The following ADAMTS6 variants were observed in gnomAD, a reference collection of about 807,000 sequenced individuals.
ADAMTS6 encodes ADAM metallopeptidase with thrombospondin type 1 motif 6.
Under a neutral mutation model 144.3 loss-of-function variants are expected in ADAMTS6, and 23 were observed. That is an observed-to-expected ratio of 0.16 (90% CI 0.11 to 0.23). The LOEUF (loss-of-function observed/expected upper bound fraction) is 0.23. Ranked by LOEUF, ADAMTS6 falls within the 10% of genes least tolerant of loss-of-function variation. The probability of loss-of-function intolerance (pLI) is 1.00; values close to 1 mark genes in which losing one functional copy is unlikely to be tolerated. For synonymous variants in ADAMTS6, 444 were observed against 457.5 expected (o/e 0.97, Z 0.38); for missense variants, 999 against 1,379.6 (o/e 0.72, Z 4.37).
At chr5:65,381,634 C>T (rs1356473886) in intron 7 of ADAMTS6, among the ~76,000 whole-genome samples, 1 of 150,760 alleles carries the variant, frequency 6.6e-6, no homozygotes, top group Admixed American at 6.6e-5. Context: ...GATCCACCCA[C>T]CTTGGCCTCC....
At chr5:65,340,259 A>C (rs1391783814) in intron 7 of ADAMTS6, among the ~76,000 whole-genome samples, 2 of 152,132 alleles carry the variant, frequency 1.3e-5, no homozygotes, top group Non-Finnish European at 2.9e-5. Context: ...GCCACCAAAG[A>C]ATAGTATACC....
chr5:65,480,104 C>A (rs1473245667), intron 1 of ADAMTS6, among the ~76,000 whole-genome samples: 1 of 152,008 alleles, frequency 6.6e-6, no homozygotes, highest in African/African-American at 2.4e-5. Flanking sequence ...GTTTCTTTTC[C>A]TGTCATGAAT....
At chr5:65,185,186 C>A (rs1754595985) in intron 22 of ADAMTS6, among the ~76,000 whole-genome samples, 1 of 152,206 alleles carries the variant, frequency 6.6e-6, no homozygotes, top group African/African-American at 2.4e-5. Context: ...ATTTTGTTCA[C>A]AATAGCTACT....
chr5:65,354,168 T>A (rs1749112331), intron 7 of ADAMTS6, among the ~76,000 whole-genome samples: 1 of 151,930 alleles, frequency 6.6e-6, no homozygotes, highest in African/African-American at 2.4e-5. Flanking sequence ...TAATTCTTTA[T>A]TGCTTTGCAT....
chr5:65,399,999 C>G (rs183123219), intron 7 of ADAMTS6, among the ~76,000 whole-genome samples: 1 of 152,136 alleles, frequency 6.6e-6, no homozygotes, highest in South Asian at 2.1e-4. Context: ...TTCCCCTTCA[C>G]TTTTGAAGGA....
intron 7 of ADAMTS6, among the ~76,000 whole-genome samples, chr5:65,405,692 G>A (rs188866817): frequency 1.3e-5 from 2 of 152,254 alleles, no homozygotes; most frequent in South Asian, 2.1e-4. Flanking sequence ...GAAAGTCATT[G>A]GTAGCTTGAT....
At chr5:65,421,027 G>A (rs1295620307) in intron 7 of ADAMTS6, among the ~76,000 whole-genome samples, 1 of 152,170 alleles carries the variant, frequency 6.6e-6, no homozygotes, top group Non-Finnish European at 1.5e-5. Flanking sequence ...GTCTGCCAAT[G>A]TGTGTATCTT....
In ADAMTS6 at chr5:65,398,794, A is replaced by AAGAG. The variant is rs1561501356; in HGVS notation, c.1073+52680_1073+52681insCTCT. On this transcript the variant is annotated intron_variant, in intron 7 of 24. Transcript: ENST00000381055. ...AAGAAGAGAGAGCAAGAAAGAAAGA[A>AAGAG]AGAAAGAAAGAAAGAAAGAAAGAAA... is the stretch of plus-strand genomic sequence containing the variant. 8.6e-4 allele frequency among the ~76,000 whole-genome samples: 47 copies of AAGAG among 54,694 alleles called. 1 individual carries two copies. Among genetic ancestry groups the AAGAG allele is most frequent in the African/African-American group, 3.7e-3 (47 of 12,736 alleles). The allele number at this position is 54,694 out of a possible 152,430, so 35.9% of individuals were successfully genotyped here.
chr5:65,393,038 A>C (rs1487595329), intron 7 of ADAMTS6, among the ~76,000 whole-genome samples: 1 of 152,208 alleles, frequency 6.6e-6, no homozygotes, highest in Non-Finnish European at 1.5e-5. Flanking sequence ...AAATGTGCTC[A>C]GTAGATCTCA....
intron 24 of ADAMTS6, among the ~76,000 whole-genome samples, chr5:65,164,224 G>T (rs1290897363): frequency 1.3e-5 from 2 of 151,926 alleles, no homozygotes; most frequent in Non-Finnish European, 2.9e-5. Context: ...CCTGGGAAGC[G>T]CAAGGGGTCA....
intron 7 of ADAMTS6, among the ~76,000 whole-genome samples, chr5:65,382,708 C>T (rs1410167852): frequency 6.6e-6 from 1 of 152,194 alleles, no homozygotes; most frequent in Admixed American, 6.5e-5. Context: ...CATTGCCCTT[C>T]ACAGGTGATG....
chr5:65,451,730 A>G, intron 6 of ADAMTS6, 110 bp from the exon 7 acceptor site: 4 of 1,321,486 alleles, frequency 3.0e-6, no homozygotes, highest in Non-Finnish European at 4.2e-6. Context: ...GTTTCTAGGA[A>G]TAATCTCTTG....
chr5:65,273,556 T>C, intron 11 of ADAMTS6, 109 bp from the exon 12 acceptor site: 2 of 811,650 alleles, frequency 2.5e-6, no homozygotes, highest in South Asian at 2.0e-5. Flanking sequence ...CCTGGGTACC[T>C]TTTGCTGCTG....
chr5:65,253,208 T>C (rs149109829), intron 14 of ADAMTS6, among the ~76,000 whole-genome samples: 480 of 152,304 alleles, frequency 3.2e-3, no homozygotes, highest in Non-Finnish European at 5.4e-3. Context: ...CTATTTTCTA[T>C]TGTAACTTAC....
At chr5:65,470,492 A>T (rs1455928664) in intron 3 of ADAMTS6, among the ~76,000 whole-genome samples, 1 of 152,162 alleles carries the variant, frequency 6.6e-6, no homozygotes, top group African/African-American at 2.4e-5. Flanking sequence ...TGCATAAAAG[A>T]TATCTTATTT....
intron 7 of ADAMTS6, among the ~76,000 whole-genome samples, chr5:65,429,561 G>A (rs1756833343): frequency 1.3e-5 from 2 of 152,046 alleles, no homozygotes; most frequent in South Asian, 4.1e-4. Context: ...GCTTTCTTTT[G>A]TTAATTGGTC....
intron 12 of ADAMTS6, among the ~76,000 whole-genome samples, chr5:65,272,545 A>G (rs1306743245): frequency 6.6e-6 from 1 of 152,094 alleles, no homozygotes; most frequent in Admixed American, 6.6e-5. Flanking sequence ...TGAATCTAAA[A>G]TTATTTGCTC....
chr5:65,461,817 T>A (rs1476913803), intron 3 of ADAMTS6, among the ~76,000 whole-genome samples: 3 of 151,576 alleles, frequency 2.0e-5, no homozygotes, highest in Non-Finnish European at 4.4e-5. Context: ...GAAAAAGGGG[T>A]TTTGCTGCTT....
intron 14 of ADAMTS6, among the ~76,000 whole-genome samples, chr5:65,258,108 A>G (rs987029712): frequency 4.6e-5 from 7 of 152,204 alleles, no homozygotes; most frequent in Non-Finnish European, 1.0e-4. Flanking sequence ...AATCAACTAT[A>G]TAGGTGATAG....
Sources: gnomAD v4.1 joint callset for allele counts (sites outside exome capture counted in the v4.1 genomes callset) on GRCh38, gnomAD v4.1.1 for gene constraint, MANE v1.5 for transcripts, NCBI Gene and HGNC (gene_info 2026-07-23, HGNC 2026-07-21) for gene names.